Variants in PINX1 observed in about 807,000 individuals in gnomAD.
The protein encoded by PINX1 is PIN2/TERF1-interacting telomerase inhibitor 1.
A neutral mutation model predicts 25.4 loss-of-function variants in PINX1; 34 were observed. The observed-to-expected ratio is 1.34, with a 90% CI of 1.02 to 1.78. PINX1 has a LOEUF of 1.78. PINX1 is among the 40% of genes most tolerant of loss of function. The pLI is 0.00. For synonymous variants in PINX1, 197 were observed against 147.7 expected (o/e 1.33, Z -2.42); for missense variants, 592 against 404.9 (o/e 1.46, Z -3.97).
intron 5 of PINX1, among the ~76,000 whole-genome samples, chr8:10,822,658 A>G (rs1797914127): frequency 6.6e-6 from 1 of 152,244 alleles, no homozygotes; most frequent in Non-Finnish European, 1.5e-5. Context: ...CACATTTACA[A>G]TACCAAGAAA....
chr8:10,799,137 G>T (rs934616280), intron 6 of PINX1, among the ~76,000 whole-genome samples: 5 of 147,130 alleles, frequency 3.4e-5, no homozygotes, highest in African/African-American at 1.3e-4. Context: ...TTTCTAGTTT[G>T]TCAATTTTTT....
At chr8:10,802,260 C>A (rs1156842294) in intron 6 of PINX1, among the ~76,000 whole-genome samples, 1 of 152,220 alleles carries the variant, frequency 6.6e-6, no homozygotes, top group Non-Finnish European at 1.5e-5. Context: ...GCTCACAAGG[C>A]TGACCGCACC....
At chr8:10,800,514 G>T (rs1802233392) in intron 6 of PINX1, among the ~76,000 whole-genome samples, 1 of 150,794 alleles carries the variant, frequency 6.6e-6, no homozygotes, top group Non-Finnish European at 1.5e-5. Context: ...CTGTTGCCCA[G>T]GCTGGAGTGC....
At chr8:10,810,243 G>C (rs1802585854) in intron 6 of PINX1, among the ~76,000 whole-genome samples, 1 of 152,216 alleles carries the variant, frequency 6.6e-6, no homozygotes, top group African/African-American at 2.4e-5. Flanking sequence ...GAAGCCTTCA[G>C]ACAAGACACT....
At chr8:10,766,478 C>G (rs759372535) in intron 6 of PINX1, among the ~76,000 whole-genome samples, 3 of 152,210 alleles carry the variant, frequency 2.0e-5, no homozygotes, top group African/African-American at 4.8e-5. Flanking sequence ...CTTTCTCCCC[C>G]AAAGGTGGAG....
At chr8:10,828,422 C>A (rs7817252) in intron 4 of PINX1, among the ~76,000 whole-genome samples, 24,462 of 152,132 alleles carry the variant, frequency 0.16, 2,476 homozygotes, top group Non-Finnish European at 0.23. Context: ...CTTCCCACAG[C>A]CACTCCATAA....
chr8:10,815,869 A>G (rs923464065), intron 6 of PINX1, among the ~76,000 whole-genome samples: 1 of 152,260 alleles, frequency 6.6e-6, no homozygotes, highest in Non-Finnish European at 1.5e-5. Context: ...CATAAAATAG[A>G]AAATAACACT....
chr8:10,809,735 T>C (rs1029303605), intron 6 of PINX1, among the ~76,000 whole-genome samples: 5 of 152,220 alleles, frequency 3.3e-5, no homozygotes, highest in Non-Finnish European at 5.9e-5. Flanking sequence ...AGCACACTCA[T>C]CAAAGCGGCT....
chr8:10,771,783 T>A (rs549739221), intron 6 of PINX1, among the ~76,000 whole-genome samples: 3 of 152,298 alleles, frequency 2.0e-5, no homozygotes, highest in African/African-American at 7.2e-5. Flanking sequence ...GCATTTTGAG[T>A]GCAGATTCCT....
rs756063699 is a variant in PINX1 at position 10,765,481 on chromosome 8, G to C, written c.907C>G (p.Gln303Glu). 5 of 1,613,316 alleles carry C rather than the reference G, an allele frequency of 3.1e-6. No individual in the cohort carries two copies. The highest frequency in any genetic ancestry group is 4.2e-6 in the Non-Finnish European group (5 of 1,179,826). Residue 303 changes from glutamine (Q) to glutamate (E), a missense_variant, in exon 7 of 7, where the codon CAA becomes GAA. By Grantham distance (29) the Gln-to-Glu change is conservative. Transcript: ENST00000314787. ...PKKRRGKKKL[Q>E]KPVEIAEDAT... ...TCCTCTGCTATCTCTACTGGTTTTT[G>C]CAGCTTTTTCTTCCCTCTCCTCTTT...
At chr8:10,796,410 C>T (rs1802086179) in intron 6 of PINX1, among the ~76,000 whole-genome samples, 1 of 152,130 alleles carries the variant, frequency 6.6e-6, no homozygotes, top group African/African-American at 2.4e-5. Flanking sequence ...CCTCTCGTAT[C>T]CAGCCTTTAC....
intron 6 of PINX1, among the ~76,000 whole-genome samples, chr8:10,815,868 G>A (rs1040562059): frequency 4.6e-5 from 7 of 152,164 alleles, no homozygotes; most frequent in Admixed American, 1.3e-4. Flanking sequence ...TCATAAAATA[G>A]AAAATAACAC....
intron 5 of PINX1, 123 bp downstream of exon 5, chr8:10,826,029 A>G: frequency 1.7e-6 from 1 of 602,066 alleles, no homozygotes; most frequent in East Asian, 2.9e-5. Flanking sequence ...GCTGTTTCAC[A>G]GCAATGCAGT....
chr8:10,780,089 G>A (rs1465589971), intron 6 of PINX1, among the ~76,000 whole-genome samples: 3 of 152,122 alleles, frequency 2.0e-5, no homozygotes, highest in African/African-American at 4.8e-5. Context: ...CAACTTTACT[G>A]CATTCATTTA....
rs570365976 is a variant in PINX1 at position 10,772,013 on chromosome 8, G to C, written c.472-6097C>G. Among the ~76,000 whole-genome samples the C allele has an allele frequency of 3.9e-5, 6 of 152,314 alleles. No homozygotes were observed. The South Asian group carries it at 8.3e-4, about 21-fold the overall frequency. ...ATGTTACCACAGTTGCCTTGGAGGG[G>C]ACAAGTCAATTGGAAAAAAGCAAGG... On this transcript the variant is annotated intron_variant, in intron 6 of 6. Transcript: ENST00000314787.
At chr8:10,787,489 G>C (rs771095671) in intron 6 of PINX1, 16 of 188,344 alleles carry the variant, frequency 8.5e-5, no homozygotes, top group Admixed American at 1.9e-4. Flanking sequence ...GCCTCCCAAA[G>C]TGCTGGGATT....
intron 5 of PINX1, among the ~76,000 whole-genome samples, chr8:10,822,496 C>A (rs138809311): frequency 6.6e-6 from 1 of 152,202 alleles, no homozygotes; most frequent in Non-Finnish European, 1.5e-5. Context: ...AAGAGTCAAA[C>A]TGAAAGTTCC....
intron 3 of PINX1, among the ~76,000 whole-genome samples, 157 bp downstream of exon 3, chr8:10,832,735 A>G (rs568418054): frequency 6.6e-6 from 1 of 152,246 alleles, no homozygotes. Context: ...TCTGAGTTAT[A>G]GTGCCATGCA....
chr8:10,765,764 T>A lies in PINX1; in HGVS notation c.624A>T (p.Glu208Asp), dbSNP rs1187273401. 1.9e-6 allele frequency: 3 copies of A among 1,613,850 alleles called. No individual in the cohort carries two copies. Among genetic ancestry groups the A allele is most frequent in the African/African-American group, 2.7e-5 (2 of 74,924 alleles). ...PGSDISETQV[E>D]RKRGKKRNKE... is the part of the protein sequence containing the mutation. The stretch of plus-strand genomic sequence containing the variant: ...TATTTCTTTTCTTCCCCCTTTTACG[T>A]TCCACCTGCGTCTCAGAAATGTCAG... Residue 208 changes from glutamate to aspartate, a missense_variant, in exon 7 of 7, where the codon GAA becomes GAT. Coordinates refer to ENST00000314787, the MANE Select transcript of PINX1 (RefSeq NM_017884.6).
Sources: allele counts gnomAD v4.1 joint callset (sites outside exome capture counted in the v4.1 genomes callset), GRCh38; gene constraint gnomAD v4.1.1; transcripts MANE v1.5; gene names NCBI Gene and HGNC (gene_info 2026-07-23, HGNC 2026-07-21).